SH3D19: variants seen among roughly 807,000 people sequenced by gnomAD.
The protein encoded by SH3D19 is SH3 domain containing 19.
SH3D19 carries 58 observed loss-of-function variants against 112.1 expected under a neutral mutation model. That is an observed-to-expected ratio of 0.52 (90% CI 0.42 to 0.64). The LOEUF (loss-of-function observed/expected upper bound fraction) is 0.64, where lower values mean the gene tolerates loss of function less well. Among genes scored for constraint, SH3D19 ranks in the 30% least tolerant of loss-of-function variants. The pLI, the probability that SH3D19 is intolerant of heterozygous loss-of-function variation, is 0.00. For synonymous variants in SH3D19, 391 were observed against 448.5 expected (o/e 0.87, Z 1.62); for missense variants, 1,090 against 1,263.4 (o/e 0.86, Z 2.08).
At chr4:151,215,035 G>T (rs1219994881) in intron 2 of SH3D19, among the ~76,000 whole-genome samples, 4 of 145,114 alleles carry the variant, frequency 2.8e-5, no homozygotes, top group Admixed American at 6.8e-5. Flanking sequence ...CCCAGACGGG[G>T]CGGCGGGGCA....
chr4:151,302,698 T>A (rs985032937), intron 1 of SH3D19, among the ~76,000 whole-genome samples: 1 of 152,184 alleles, frequency 6.6e-6, no homozygotes, highest in Non-Finnish European at 1.5e-5. Context: ...TTTCATACTG[T>A]CAATGAAGAA....
intron 7 of SH3D19, chr4:151,166,290 A>G (rs543872377): frequency 1.3e-5 from 2 of 152,402 alleles, no homozygotes; most frequent in African/African-American, 4.8e-5. Context: ...GGGGAAGGAT[A>G]TATGACTCGG....
chr4:151,283,606 C>T (rs1003480359), intron 1 of SH3D19, among the ~76,000 whole-genome samples: 1 of 150,814 alleles, frequency 6.6e-6, no homozygotes, highest in African/African-American at 2.4e-5. Flanking sequence ...CAGCCTCCAG[C>T]TCCTGGGTTC....
At chr4:151,182,870 C>G (rs1761165081) in intron 3 of SH3D19, among the ~76,000 whole-genome samples, 1 of 152,120 alleles carries the variant, frequency 6.6e-6, no homozygotes, top group African/African-American at 2.4e-5. Context: ...CAAGCATGTC[C>G]CATTTTACCT....
chr4:151,238,636 C>T (rs1770318777), intron 1 of SH3D19, among the ~76,000 whole-genome samples: 1 of 152,078 alleles, frequency 6.6e-6, no homozygotes, highest in South Asian at 2.1e-4. Context: ...TATAAGAACA[C>T]TCAGCTCTGG....
chr4:151,285,799 C>G (rs1300344666), intron 1 of SH3D19, among the ~76,000 whole-genome samples: 1 of 151,862 alleles, frequency 6.6e-6, no homozygotes, highest in African/African-American at 2.4e-5. Flanking sequence ...CCCAGAAGTT[C>G]ACATATGTAG....
intron 8 of SH3D19, 54 bp downstream of exon 8, chr4:151,165,535 A>G (rs1579905329): frequency 3.7e-6 from 5 of 1,341,588 alleles, no homozygotes; most frequent in East Asian, 2.3e-5. Context: ...AAATTAGCAT[A>G]TATTTCTCCC....
intron 1 of SH3D19, chr4:151,291,087 C>G: frequency 6.6e-7 from 1 of 1,525,282 alleles, no homozygotes; most frequent in Non-Finnish European, 9.0e-7. Context: ...CCTCTTTTCA[C>G]TATGCTCATT....
intron 1 of SH3D19, among the ~76,000 whole-genome samples, chr4:151,238,437 G>T (rs532910590): frequency 1.3e-5 from 2 of 152,214 alleles, no homozygotes; most frequent in South Asian, 4.1e-4. Context: ...TAAAAATAAA[G>T]ATTTTATTTT....
At chr4:151,233,363 C>T (rs1489778269) in intron 1 of SH3D19, among the ~76,000 whole-genome samples, 1 of 152,206 alleles carries the variant, frequency 6.6e-6, no homozygotes, top group Non-Finnish European at 1.5e-5. Flanking sequence ...AGACCAGCCC[C>T]TGGTGCCAAA....
At chr4:151,135,492 A>G (rs542708751) in intron 14 of SH3D19, among the ~76,000 whole-genome samples, 6 of 147,486 alleles carry the variant, frequency 4.1e-5, no homozygotes, top group African/African-American at 1.0e-4. Context: ...CAGCGGCACA[A>G]TCAGAACTCA....
At chr4:151,214,240 C>CA (rs1427740186) in intron 2 of SH3D19, among the ~76,000 whole-genome samples, 1 of 151,758 alleles carries the variant, frequency 6.6e-6, no homozygotes, top group Non-Finnish European at 1.5e-5. Context: ...TAGTACAGAA[C>CA]AAAATGAAAA....
At chr4:151,300,508 G>GTA (rs1192022569) in intron 1 of SH3D19, 8 of 151,884 alleles carry the variant, frequency 5.3e-5, no homozygotes, top group Non-Finnish European at 1.2e-4. Context: ...ATAAAAGGTA[G>GTA]TATGGCCATG....
chr4:151,138,721 CACACACACACACAA>C (rs1295835006), intron 13 of SH3D19, among the ~76,000 whole-genome samples: 1 of 147,686 alleles, frequency 6.8e-6, no homozygotes, highest in Non-Finnish European at 1.5e-5. Context: ...CACACACACA[CACACACACACACAA>C]ATTACTTTGA....
chr4:151,241,965 T>C (rs1227494306), intron 1 of SH3D19, among the ~76,000 whole-genome samples: 1 of 150,402 alleles, frequency 6.6e-6, no homozygotes, highest in Non-Finnish European at 1.5e-5. Context: ...GGCTGCGGTG[T>C]GAGGATTGCT....
chr4:151,202,755 C>T (rs899610174), intron 2 of SH3D19, among the ~76,000 whole-genome samples: 14 of 152,172 alleles, frequency 9.2e-5, no homozygotes. Context: ...TTAGTAATCC[C>T]ACTACCTTTA....
chr4:151,181,397 T>C (rs980423766), intron 3 of SH3D19, among the ~76,000 whole-genome samples: 1 of 152,156 alleles, frequency 6.6e-6, no homozygotes, highest in Non-Finnish European at 1.5e-5. Flanking sequence ...CTCTGCTGGG[T>C]TGGCAAAGCA....
At chr4:151,290,851 C>A (rs1003683216) in intron 1 of SH3D19, among the ~76,000 whole-genome samples, 2 of 152,112 alleles carry the variant, frequency 1.3e-5, no homozygotes, top group Non-Finnish European at 2.9e-5. Flanking sequence ...GTGAAAAAAT[C>A]ATCTCATTAG....
chr4:151,248,455 G>C (rs987449199), intron 1 of SH3D19, among the ~76,000 whole-genome samples: 1 of 152,156 alleles, frequency 6.6e-6, no homozygotes, highest in African/African-American at 2.4e-5. Context: ...GGAAGCATTA[G>C]TGTTATTTGA....
Sources: allele counts gnomAD v4.1 joint callset (sites outside exome capture counted in the v4.1 genomes callset), GRCh38; gene constraint gnomAD v4.1.1; transcripts MANE v1.5; gene names NCBI Gene and HGNC (gene_info 2026-07-23, HGNC 2026-07-21).